Variants in FAM118B observed in about 807,000 individuals in gnomAD.
FAM118B encodes the protein protein FAM118B.
In FAM118B, 24 loss-of-function variants were observed where a neutral mutation model predicts 38.5. That is an observed-to-expected ratio of 0.62 (90% CI 0.45 to 0.88). The LOEUF is 0.88. Ranked by LOEUF, FAM118B falls within the 40% of genes least tolerant of loss-of-function variation. The pLI, the probability that FAM118B is intolerant of heterozygous loss-of-function variation, is 0.00. For missense variants in FAM118B, 334 were observed against 420.0 expected, an observed-to-expected ratio of 0.80 and a Z score of 1.79; for synonymous variants, 138 against 156.3, an observed-to-expected ratio of 0.88 and a Z score of 0.87.
intron 6 of FAM118B, 151 bp downstream of exon 6, chr11:126,254,584 AC>A: frequency 1.0e-5 from 11 of 1,076,976 alleles, no homozygotes; most frequent in Non-Finnish European, 1.3e-5. Flanking sequence ...TATAATCCCA[AC>A]ACTTTGGGAG....
intron 1 of FAM118B, among the ~76,000 whole-genome samples, chr11:126,226,967 AC>A (rs1950151102): frequency 7.0e-6 from 1 of 143,290 alleles, no homozygotes; most frequent in African/African-American, 2.6e-5. Flanking sequence ...AAAAAAAAAC[AC>A]CTAGCTAGCA....
chr11:126,257,323 A>T (rs1329097323), intron 7 of FAM118B, among the ~76,000 whole-genome samples: 2 of 152,250 alleles, frequency 1.3e-5, no homozygotes, highest in African/African-American at 4.8e-5. Flanking sequence ...GAAGTTTCTC[A>T]TAAGGAGATA....
chr11:126,225,302 T>G lies in FAM118B; in HGVS notation c.-76-3923T>G, dbSNP rs551404303. Among the ~76,000 whole-genome samples, 25 of 152,352 alleles carry G rather than the reference T, an allele frequency of 1.6e-4. 1 individual carries two copies. The South Asian group carries it at 5.2e-3, about 32-fold the overall frequency. ...TCTTTGACGCAGTGAAATTTTCCAT[T>G]TGTTCCCTAAGTTTCCAATCTTAAA... On this transcript the variant is annotated intron_variant, in intron 1 of 8. Transcript: ENST00000533050.
intron 1 of FAM118B, among the ~76,000 whole-genome samples, chr11:126,221,482 G>A (rs989210473): frequency 6.6e-6 from 1 of 152,130 alleles, no homozygotes; most frequent in Non-Finnish European, 1.5e-5. Flanking sequence ...TTAGGATAAG[G>A]AGCAGGTTGT....
In FAM118B at chr11:126,252,222, G is replaced by C. The variant is rs1011875946; in HGVS notation, c.567+1489G>C. On this transcript the variant is annotated intron_variant, in intron 5 of 8. Coordinates refer to ENST00000533050, the MANE Select transcript of FAM118B (RefSeq NM_024556.4). This position sits in a 1 kb window ranked among gnomAD's most constrained non-coding sequence, Gnocchi z 4.7. ...GGCTGGTCTCGAACTCCTGACCTCA[G>C]GTGATCTGCCCACCTTAGCCTCCCA... 6.6e-6 allele frequency among the ~76,000 whole-genome samples: 1 copy of C among 151,966 alleles called. No individual in the cohort carries two copies. The highest frequency in any genetic ancestry group is 2.4e-5 in the African/African-American group (1 of 41,344).
rs370421247 is a variant in FAM118B, at chr11:126,240,855, C to T, written c.150C>T (p.Gly50=). Residue 50 remains glycine, a synonymous_variant, in exon 4 of 9, where the codon GGC becomes GGT. Transcript: ENST00000533050. The part of the protein sequence containing the change: ...PRELVLVIGT[G]ISAAVAPQVP... The stretch of plus-strand genomic sequence containing the variant: ...AACTTGTGCTAGTGATTGGAACAGG[C>T]ATTAGTGCTGCAGTTGCGCCCCAAG... The T allele has an allele frequency of 8.1e-6, 13 of 1,614,016 alleles. No homozygotes were observed. In the African/African-American group the frequency reaches 1.3e-4, roughly 17 times the overall value.
At position 126,262,352 on chromosome 11, in the gene FAM118B, C is replaced by G. The variant is rs369202752; in HGVS notation, c.*219C>G. 1.6e-5 allele frequency: 9 copies of G among 571,876 alleles called. No individual in the cohort carries two copies. Among genetic ancestry groups the G allele is most frequent in the Non-Finnish European group, 2.2e-5 (7 of 322,994 alleles). The allele number at this position is 571,876 out of a possible 1,614,324, so 35.4% of individuals were successfully genotyped here. ...GCCTGTTCAAGTTCAAGAATAAAAG[C>G]GACAGCAGGACCCAAATGCAGCTCC... On this transcript the variant is annotated 3_prime_UTR_variant, in exon 9 of 9. Transcript: ENST00000533050.
At chr11:126,231,330 A>G (rs995115928) in intron 2 of FAM118B, among the ~76,000 whole-genome samples, 1 of 152,250 alleles carries the variant, frequency 6.6e-6, no homozygotes, top group African/African-American at 2.4e-5. Flanking sequence ...ACGTGATCAC[A>G]TAAAAAAAAT....
intron 1 of FAM118B, among the ~76,000 whole-genome samples, chr11:126,222,726 A>G (rs946234296): frequency 1.3e-5 from 2 of 152,202 alleles, no homozygotes; most frequent in Non-Finnish European, 1.5e-5. Context: ...AGAAATATCA[A>G]TTGATCCCTT....
intron 7 of FAM118B, among the ~76,000 whole-genome samples, chr11:126,259,657 C>T (rs1950644207): frequency 6.6e-6 from 1 of 151,242 alleles, no homozygotes; most frequent in Non-Finnish European, 1.5e-5. Flanking sequence ...GGTCTCCTGA[C>T]CTCATGATCC....
rs1363866400 is a variant in FAM118B, at chr11:126,244,124, A to G, written c.339+3080A>G. The stretch of plus-strand genomic sequence containing the variant: ...ACACGATAAAGACCGTATATGAAAA[A>G]CTCACAGTTAACATATTTAATGGTG... On this transcript the variant is annotated intron_variant, in intron 4 of 8. Coordinates refer to ENST00000533050, the MANE Select transcript of FAM118B (RefSeq NM_024556.4). This position sits in a 1 kb window ranked among gnomAD's most constrained non-coding sequence, Gnocchi z 4.5. Among the ~76,000 whole-genome samples the G allele has an allele frequency of 6.6e-6, 1 of 152,056 alleles. No homozygotes were observed. Among genetic ancestry groups the G allele is most frequent in the Non-Finnish European group, 1.5e-5 (1 of 68,008 alleles).
chr11:126,250,512 A>G lies in FAM118B; in HGVS notation c.346A>G (p.Ser116Gly), dbSNP rs775594818. Residue 116 changes from serine (S) to glycine (G), a missense_variant, in exon 5 of 9, where the codon AGT (serine) becomes GGT (glycine). Transcript: ENST00000533050. The surrounding 1 kb of genome is among the most constrained non-coding windows in gnomAD (Gnocchi z 5.1). ...DLIQKLSPRT[S>G]NVRSTFFKDC... ...TTTTCAAATCCCTCCTCAGCGTACC[A>G]GTAATGTTCGATCCACATTTTTCAA... The G allele has an allele frequency of 3.1e-6, 5 of 1,612,248 alleles. No individual in the cohort carries two copies. The highest frequency in any genetic ancestry group is 4.2e-6 in the Non-Finnish European group (5 of 1,178,434).
At chr11:126,236,059 T>C (rs1213254109) in intron 3 of FAM118B, among the ~76,000 whole-genome samples, 1 of 152,250 alleles carries the variant, frequency 6.6e-6, no homozygotes, top group Non-Finnish European at 1.5e-5. Flanking sequence ...TCATGGATTC[T>C]TCCTTCTGGA....
intron 2 of FAM118B, among the ~76,000 whole-genome samples, chr11:126,230,621 TA>T (rs1216618286): frequency 6.6e-6 from 1 of 152,216 alleles, no homozygotes; most frequent in African/African-American, 2.4e-5. Context: ...AAATACTTTT[TA>T]AAACATTAGA....
intron 1 of FAM118B, among the ~76,000 whole-genome samples, chr11:126,218,814 A>C (rs1044213381): frequency 1.3e-5 from 2 of 152,184 alleles, no homozygotes; most frequent in African/African-American, 4.8e-5. Context: ...CTGACAGTGC[A>C]TTGGTTGCTG....
intron 4 of FAM118B, among the ~76,000 whole-genome samples, chr11:126,243,386 C>T (rs976785092): frequency 6.6e-6 from 1 of 151,192 alleles, no homozygotes; most frequent in East Asian, 2.0e-4. Context: ...ATCACTTGGG[C>T]CCTGGAGTTC....
intron 4 of FAM118B, among the ~76,000 whole-genome samples, chr11:126,247,074 C>T (rs758504505): frequency 2.6e-5 from 4 of 152,174 alleles, no homozygotes; most frequent in Non-Finnish European, 5.9e-5. Context: ...AAGAGGATCA[C>T]TTGAGGCCAG....
At chr11:126,251,567 C>T (rs997261184) in intron 5 of FAM118B, among the ~76,000 whole-genome samples, 3 of 152,150 alleles carry the variant, frequency 2.0e-5, no homozygotes, top group Admixed American at 6.5e-5. Context: ...CTTCCGCCTA[C>T]GCCCTCATAT....
intron 1 of FAM118B, among the ~76,000 whole-genome samples, chr11:126,224,398 C>T (rs1950109613): frequency 6.7e-6 from 1 of 148,828 alleles, no homozygotes. Flanking sequence ...TGCTTGAGCC[C>T]CGTGGAGGTC....
Sources: allele counts gnomAD v4.1 joint callset (sites outside exome capture counted in the v4.1 genomes callset), GRCh38; gene constraint gnomAD v4.1.1; non-coding constraint Gnocchi (gnomAD v3.1); transcripts MANE v1.5; gene names NCBI Gene and HGNC (gene_info 2026-07-23, HGNC 2026-07-21).